The following PREX2 variants were observed in gnomAD, a reference collection of about 807,000 sequenced individuals.
PREX2 encodes the protein phosphatidylinositol 3,4,5-trisphosphate-dependent Rac exchanger 2 protein.
PREX2 carries 107 observed loss-of-function variants against 203.2 expected under a neutral mutation model. The ratio of observed to expected loss-of-function variants is 0.53; its 90% CI spans 0.45 to 0.62. The LOEUF (loss-of-function observed/expected upper bound fraction) is 0.62, where lower values mean the gene tolerates loss of function less well. PREX2 is among the 20% of genes least tolerant of loss of function. The pLI is 0.00. For synonymous variants in PREX2, 672 were observed against 663.6 expected (o/e 1.01, Z -0.19); for missense variants, 1,777 against 1,955.9 (o/e 0.91, Z 1.72).
At chr8:68,194,699 G>A (rs1194960549) in intron 37 of PREX2, among the ~76,000 whole-genome samples, 2 of 152,008 alleles carry the variant, frequency 1.3e-5, no homozygotes, top group Admixed American at 6.6e-5. Context: ...TACTCGGGAG[G>A]CTGAGGCAGG....
At chr8:68,155,027 A>G (rs1811512892) in intron 34 of PREX2, among the ~76,000 whole-genome samples, 1 of 152,150 alleles carries the variant, frequency 6.6e-6, no homozygotes, top group Non-Finnish European at 1.5e-5. Flanking sequence ...AAGTCCTTCT[A>G]GGTGGGTTAC....
Position 68,127,398 on chromosome 8 carries a change from C to G in PREX2, c.3745C>G (p.Leu1249Val). The change falls in exon 31 of 40, where the codon CTG (leucine) becomes GTG (valine). Residue 1249 changes from leucine (L) to valine (V), a missense_variant. Coordinates refer to ENST00000288368, the MANE Select transcript of PREX2 (RefSeq NM_024870.4). ...TGCAGAGGTAAAGTGTAGGCTACTC[C>G]TGGCTCTTCTTGAATATTCAGGTAA... ...FVEEVKCRLLLALLEYSDSET... is the reference protein window; with the variant it reads ...FVEEVKCRLLVALLEYSDSET... 6 of 1,607,886 alleles carry G rather than the reference C, an allele frequency of 3.7e-6. No homozygotes were observed. The highest frequency in any genetic ancestry group is 5.1e-6 in the Non-Finnish European group (6 of 1,175,544).
chr8:68,110,285 C>T (rs1472900957), intron 25 of PREX2, among the ~76,000 whole-genome samples: 3 of 152,144 alleles, frequency 2.0e-5, no homozygotes, highest in Non-Finnish European at 4.4e-5. Flanking sequence ...TGGTATAGGA[C>T]GATGCTTCAC....
rs1811393665 is a variant in PREX2 at position 68,149,614 on chromosome 8, A to G, written c.4231+3262A>G. Among the ~76,000 whole-genome samples, 4 of 152,074 alleles carry G rather than the reference A, an allele frequency of 2.6e-5. No homozygotes were observed. In the South Asian group the frequency reaches 6.2e-4, roughly 24 times the overall value. On this transcript the variant is annotated intron_variant, in intron 34 of 39. Transcript: ENST00000288368. Reference sequence around the variant, plus strand: ...GAGAGTACAAAGAGGATAAATATTCAGGGCCACTTCTCTACACGCTCCCCA... The same window carrying G: ...GAGAGTACAAAGAGGATAAATATTCGGGGCCACTTCTCTACACGCTCCCCA...
Position 68,059,832 on chromosome 8 carries a change from A to G in PREX2, c.1239-847A>G, listed in dbSNP as rs180809653. ...GTCCTTGTTTCCTTGCTGTCAGCCA[A>G]GGGTTGCTCTCAGCTTCTGCAGGCT... On this transcript the variant is annotated intron_variant, in intron 10 of 39. Coordinates refer to ENST00000288368, the MANE Select transcript of PREX2 (RefSeq NM_024870.4). 3.4e-3 allele frequency among the ~76,000 whole-genome samples: 522 copies of G among 152,272 alleles called. 4 individuals are homozygous for G. The highest frequency in any genetic ancestry group is 0.012 in the African/African-American group (506 of 41,554).
intron 12 of PREX2, 49 bp from the exon 13 acceptor site, chr8:68,069,786 G>T (rs770772603): frequency 1.2e-6 from 1 of 858,836 alleles, no homozygotes; most frequent in Middle Eastern, 2.3e-4. Flanking sequence ...TCATTGAAAT[G>T]TCCCTTGGGT....
At chr8:68,147,065 T>C (rs1194793658) in intron 34 of PREX2, among the ~76,000 whole-genome samples, 1 of 152,144 alleles carries the variant, frequency 6.6e-6, no homozygotes, top group East Asian at 1.9e-4. Context: ...TAGTCTATTA[T>C]TTCCCTCCAC....
At chr8:68,016,747 A>G (rs374064849) in intron 1 of PREX2, among the ~76,000 whole-genome samples, 13 of 152,208 alleles carry the variant, frequency 8.5e-5, no homozygotes, top group African/African-American at 2.9e-4. Context: ...CTCTTAAGTA[A>G]CTAGGAGTAC....
chr8:68,044,342 A>T lies in PREX2; in HGVS notation c.840-145A>T, dbSNP rs1418394333. The T allele has an allele frequency of 5.0e-6, 3 of 603,160 alleles. No individual in the cohort carries two copies. The African/African-American group carries it at 5.5e-5, about 11-fold the overall frequency. The allele number at this position is 603,160 out of a possible 1,614,324, so 37.4% of individuals were successfully genotyped here. ...CCAGTGCTGTTATGAATGGGAGGAC[A>T]AATGGAAAGATCTCCAGGAGTCTAA... On this transcript the variant is annotated intron_variant, in intron 7 of 39. Coordinates refer to ENST00000288368, the MANE Select transcript of PREX2 (RefSeq NM_024870.4).
At chr8:68,107,077 A>C (rs137999625) in intron 23 of PREX2, among the ~76,000 whole-genome samples, 51 of 152,286 alleles carry the variant, frequency 3.3e-4, no homozygotes, top group African/African-American at 1.1e-3. Flanking sequence ...TAGAAATAAG[A>C]CAATTATTTA....
At chr8:68,159,611 C>T in intron 35 of PREX2, among the ~76,000 whole-genome samples, 1 of 152,112 alleles carries the variant, frequency 6.6e-6, no homozygotes, top group East Asian at 1.9e-4. Context: ...AGGACAGAAA[C>T]CTTATAAAGG....
chr8:68,101,447 T>C (rs751663261), intron 23 of PREX2: 1 of 518,922 alleles, frequency 1.9e-6, no homozygotes, highest in East Asian at 5.4e-5. Flanking sequence ...ACCTGCCACA[T>C]TTGTTAATCT....
At chr8:68,078,349 T>G (rs1317264434) in intron 15 of PREX2, among the ~76,000 whole-genome samples, 2 of 152,100 alleles carry the variant, frequency 1.3e-5, no homozygotes, top group Non-Finnish European at 1.5e-5. Flanking sequence ...CTTTTCTTGG[T>G]AGAGATGGAG....
rs1375727542 is a variant in PREX2 at position 68,027,446 on chromosome 8, GA to G, written c.543+129del. ...AAGGAAGCGTAGACCATAAGTATTG[GA>G]AAAAAGTGGCCATTTTGTCACAAAT... On this transcript the variant is annotated intron_variant, in intron 5 of 39. Transcript: ENST00000288368. The G allele has an allele frequency of 6.1e-6, 4 of 656,094 alleles. No individual in the cohort carries two copies. In the Admixed American group the frequency reaches 8.6e-5, roughly 14 times the overall value. 40.6% of individuals were successfully genotyped at this position (656,094 alleles called of 1,614,324 possible).
At chr8:68,050,460 C>CA (rs553846778) in intron 8 of PREX2, among the ~76,000 whole-genome samples, 20 of 152,206 alleles carry the variant, frequency 1.3e-4, no homozygotes, top group African/African-American at 4.6e-4. Context: ...AACCAGATCT[C>CA]ACGATAACTC....
At chr8:68,052,710 A>G (rs1160939637) in intron 8 of PREX2, among the ~76,000 whole-genome samples, 1 of 152,216 alleles carries the variant, frequency 6.6e-6, no homozygotes, top group East Asian at 1.9e-4. Context: ...ATGCTATTTC[A>G]AAGAAACATT....
chr8:68,086,649 T>C (rs1371689004), intron 18 of PREX2, among the ~76,000 whole-genome samples: 1 of 152,172 alleles, frequency 6.6e-6, no homozygotes, highest in Non-Finnish European at 1.5e-5. Flanking sequence ...GATTTCTGGC[T>C]TTCTTCAGTG....
At position 68,158,107 on chromosome 8, in the gene PREX2, ATG is replaced by A. The variant is rs531574568; in HGVS notation, c.4346+677_4346+678del. Among the ~76,000 whole-genome samples, 174 of 22,206 alleles carry A rather than the reference ATG, an allele frequency of 7.8e-3. 1 individual carries two copies. In the East Asian group the frequency reaches 0.16, roughly 20 times the overall value. The allele number at this position is 22,206 out of a possible 152,430, so 14.6% of individuals were successfully genotyped here. On this transcript the variant is annotated intron_variant, in intron 35 of 39. Coordinates refer to ENST00000288368, the MANE Select transcript of PREX2 (RefSeq NM_024870.4). ...TATTCACATATATATGTGTATATAT[ATG>A]TGTGTATATATATGTATATATATAT...
chr8:68,199,005 G>T (rs9298130), intron 37 of PREX2, among the ~76,000 whole-genome samples: 2 of 152,112 alleles, frequency 1.3e-5, no homozygotes, highest in South Asian at 2.1e-4. Flanking sequence ...TACCTTTTAT[G>T]TTCGTGCTTT....
Sources: gnomAD v4.1 joint callset for allele counts (sites outside exome capture counted in the v4.1 genomes callset) on GRCh38, gnomAD v4.1.1 for gene constraint, MANE v1.5 for transcripts, NCBI Gene and HGNC (gene_info 2026-07-23, HGNC 2026-07-21) for gene names.